BOD1L1: variants seen among roughly 807,000 people sequenced by gnomAD.
The protein encoded by BOD1L1 is biorientation of chromosomes in cell division 1 like 1.
Under a neutral mutation model 240.7 loss-of-function variants are expected in BOD1L1, and 86 were observed. The ratio of observed to expected loss-of-function variants is 0.36; its 90% confidence interval spans 0.30 to 0.43. BOD1L1 has a LOEUF of 0.43. Ranked by LOEUF, BOD1L1 falls within the 20% of genes least tolerant of loss-of-function variation. The pLI, the probability that BOD1L1 is intolerant of heterozygous loss-of-function variation, is 1.00. For synonymous variants in BOD1L1, 1,268 were observed against 1,272.3 expected (o/e 1.00, Z 0.07); for missense variants, 3,554 against 3,643.5 (o/e 0.98, Z 0.63).
intron 2 of BOD1L1, among the ~76,000 whole-genome samples, chr4:13,617,426 G>A (rs1478302811): frequency 1.3e-5 from 2 of 152,078 alleles, no homozygotes; most frequent in African/African-American, 4.8e-5. Context: ...TAATCTTACA[G>A]AAAAATGGAG....
intron 1 of BOD1L1, chr4:13,625,664 T>C (rs1279695852): frequency 6.6e-6 from 1 of 152,216 alleles, no homozygotes; most frequent in Non-Finnish European, 1.5e-5. Context: ...ACTAACTTTA[T>C]TTGATAACAT....
chr4:13,627,085 C>T (rs925086914), intron 1 of BOD1L1, among the ~76,000 whole-genome samples: 2 of 152,220 alleles, frequency 1.3e-5, no homozygotes, highest in Non-Finnish European at 2.9e-5. Context: ...TGTTTCCAAA[C>T]CAGTTCCTGT....
chr4:13,612,719 A>T (rs1258625974), intron 5 of BOD1L1, among the ~76,000 whole-genome samples: 1 of 152,148 alleles, frequency 6.6e-6, no homozygotes, highest in Non-Finnish European at 1.5e-5. Flanking sequence ...GGAGTGTTTC[A>T]GAGTGCGAAG....
At chr4:13,609,031 C>T (rs1577364668) in intron 7 of BOD1L1, among the ~76,000 whole-genome samples, 1 of 152,222 alleles carries the variant, frequency 6.6e-6, no homozygotes, top group African/African-American at 2.4e-5. Context: ...AATCTACTTT[C>T]CAGTGATTCA....
intron 25 of BOD1L1, among the ~76,000 whole-genome samples, chr4:13,572,499 G>A (rs888208045): frequency 7.2e-5 from 11 of 152,216 alleles, no homozygotes; most frequent in African/African-American, 2.7e-4. Flanking sequence ...AAGCCTGTGT[G>A]GCAGTCCACT....
At chr4:13,576,132 C>T (rs892712609) in intron 25 of BOD1L1, among the ~76,000 whole-genome samples, 4 of 151,838 alleles carry the variant, frequency 2.6e-5, no homozygotes, top group Non-Finnish European at 1.5e-5. Flanking sequence ...GATCTCCGGA[C>T]CTCGTGATTC....
intron 16 of BOD1L1, 121 bp from the exon 17 acceptor site, chr4:13,586,596 A>C: frequency 1.9e-6 from 1 of 517,996 alleles, no homozygotes; most frequent in Non-Finnish European, 3.3e-6. Flanking sequence ...GAGAAGCCAA[A>C]AGTTACTCTA....
At chr4:13,608,749 C>G (rs1301865813) in intron 7 of BOD1L1, 81 bp from the exon 8 acceptor site, 2 of 1,234,426 alleles carry the variant, frequency 1.6e-6, no homozygotes, top group Non-Finnish European at 2.1e-6. Context: ...TAAGATTTTT[C>G]TAATCATTGT....
In BOD1L1 at chr4:13,611,109, A is replaced by G; in HGVS notation, c.1325-9T>C. ...TTTGTTCTTCTCTTCATCTGTAAGA[A>G]AGTTAATAGAAAGAGGAGTATGTCT... On this transcript the variant is annotated splice_polypyrimidine_tract_variant and intron_variant, in intron 5 of 25. Coordinates refer to ENST00000040738, the MANE Select transcript of BOD1L1 (RefSeq NM_148894.3). The G allele has an allele frequency of 6.4e-7, 1 of 1,574,230 alleles. No individual in the cohort carries two copies. Among genetic ancestry groups the G allele is most frequent in the Non-Finnish European group, 8.7e-7 (1 of 1,150,952 alleles).
At chr4:13,620,217 A>G in intron 1 of BOD1L1, 150 bp from the exon 2 acceptor site, 3 of 772,632 alleles carry the variant, frequency 3.9e-6, no homozygotes, top group Non-Finnish European at 5.9e-6. Context: ...AATACTACTT[A>G]TTTTGTGTAA....
intron 1 of BOD1L1, among the ~76,000 whole-genome samples, chr4:13,622,763 T>C (rs925689683): frequency 6.6e-6 from 1 of 152,188 alleles, no homozygotes; most frequent in African/African-American, 2.4e-5. Flanking sequence ...TATTGACCCA[T>C]TCAAATCACA....
rs750213399 is a variant in BOD1L1 at position 13,599,347 on chromosome 4, T to A, written c.7553A>T (p.Asp2518Val). The change falls in exon 10 of 26, where the codon GAT becomes GTT. Residue 2518 changes from aspartate (D) to valine (V), a missense_variant. Around this residue, in one of 2 missense-constraint regions of BOD1L1, gnomAD observed 3,393 missense variants for 3,427.1 expected, o/e 0.99. Coordinates refer to ENST00000040738, the MANE Select transcript of BOD1L1 (RefSeq NM_148894.3). ...CAAATAGCGAATGCTGACAGAGGGA[T>A]CCTTAGCCGTCTGCCCAGACGTCTG... ...PEQTSGQTAK[D>V]PSVSIRYLAA... 2 of 1,613,912 alleles carry A rather than the reference T, an allele frequency of 1.2e-6. No individual in the cohort carries two copies. The highest frequency in any genetic ancestry group is 1.1e-5 in the South Asian group (1 of 91,062).
intron 13 of BOD1L1, 99 bp from the exon 14 acceptor site, chr4:13,590,545 G>T: frequency 1.8e-6 from 1 of 541,914 alleles, no homozygotes; most frequent in Non-Finnish European, 3.2e-6. Flanking sequence ...CTGGCTATTT[G>T]TACAAATGCC....
intron 1 of BOD1L1, among the ~76,000 whole-genome samples, chr4:13,623,154 A>G (rs963929936): frequency 6.6e-6 from 1 of 152,146 alleles, no homozygotes; most frequent in Non-Finnish European, 1.5e-5. Context: ...TTTTTTCCAT[A>G]GGACCTACCA....
chr4:13,608,537 CTTT>C lies in BOD1L1; in HGVS notation c.1732_1734del (p.Lys578del). ...ACCAGATAAAATATGTACCTTGAAT[CTTT>C]TTTTCTCTTTTTGCTTAAGGCTACT... On this transcript the variant is annotated inframe_deletion, in exon 8 of 26. Coordinates refer to ENST00000040738, the MANE Select transcript of BOD1L1 (RefSeq NM_148894.3). 6.5e-7 allele frequency: 1 copy of C among 1,534,664 alleles called. No individual in the cohort carries two copies. The highest frequency in any genetic ancestry group is 1.3e-5 in the South Asian group (1 of 78,612).
chr4:13,570,174 G>A (rs759711489), intron 25 of BOD1L1, 46 bp from the exon 26 acceptor site: 1 of 1,361,356 alleles, frequency 7.3e-7, no homozygotes, highest in South Asian at 1.5e-5. Flanking sequence ...AAAAGCAGCT[G>A]CTTCAAATAA....
Position 13,607,174 on chromosome 4 carries a change from G to A in BOD1L1, c.1758C>T (p.Asn586=), listed in dbSNP as rs1314217023. Residue 586 remains asparagine, a synonymous_variant, in exon 9 of 26, where the codon AAC becomes AAT. Transcript: ENST00000040738. ...RKKDSRNVEE[N]SKKKQQYEED... ...CTTCATATTGCTGTTTCTTTTTGGA[G>A]TTCTCTTCAACATTCCTAAGGGGGA... 7 of 1,572,686 alleles carry A rather than the reference G, an allele frequency of 4.5e-6. No homozygotes were observed. Among genetic ancestry groups the A allele is most frequent in the Non-Finnish European group, 6.0e-6 (7 of 1,159,478 alleles).
rs564223398 is a variant in BOD1L1 at position 13,588,709 on chromosome 4, T to G, written c.8280+13A>C. Reference sequence around the variant, plus strand: ...GTATAAAATATCAAACACTTGAGTTTATTAAAATGCACCTCTTTAGGATCT... The same window carrying G: ...GTATAAAATATCAAACACTTGAGTTGATTAAAATGCACCTCTTTAGGATCT... On this transcript the variant is annotated intron_variant, in intron 15 of 25. Transcript: ENST00000040738. 4 of 1,579,898 alleles carry G rather than the reference T, an allele frequency of 2.5e-6. No homozygotes were observed. The highest frequency in any genetic ancestry group is 3.4e-6 in the Non-Finnish European group (4 of 1,162,198).
chr4:13,570,246 A>C (rs1712098527), intron 25 of BOD1L1, 118 bp from the exon 26 acceptor site: 3 of 666,792 alleles, frequency 4.5e-6, no homozygotes. Flanking sequence ...AGAAAAACCC[A>C]GTAACATTTA....
Sources: allele counts gnomAD v4.1 joint callset (sites outside exome capture counted in the v4.1 genomes callset), GRCh38; gene constraint gnomAD v4.1.1; regional missense constraint gnomAD v4.1.1; transcripts MANE v1.5; gene names NCBI Gene and HGNC (gene_info 2026-07-23, HGNC 2026-07-21).